Variants in ADAMTS6 observed in about 807,000 individuals in gnomAD.
ADAMTS6 encodes the protein ADAM metallopeptidase with thrombospondin type 1 motif 6, also known as A disintegrin and metalloproteinase with thrombospondin motifs 6.
A neutral mutation model predicts 144.3 loss-of-function variants in ADAMTS6; 23 were observed. The observed-to-expected ratio is 0.16, with a 90% confidence interval of 0.11 to 0.23. ADAMTS6 has a LOEUF of 0.23. ADAMTS6 is among the 10% of genes least tolerant of loss of function. The probability of loss-of-function intolerance (pLI) is 1.00; values close to 1 mark genes in which losing one functional copy is unlikely to be tolerated. For missense variants in ADAMTS6, 999 were observed against 1,379.6 expected, an observed-to-expected ratio of 0.72 and a Z score of 4.37; for synonymous variants, 444 against 457.5, an observed-to-expected ratio of 0.97 and a Z score of 0.38.
intron 7 of ADAMTS6, among the ~76,000 whole-genome samples, chr5:65,371,559 G>A (rs918550681): frequency 1.3e-5 from 2 of 152,076 alleles, no homozygotes; most frequent in African/African-American, 2.4e-5. Context: ...AGCGAGAAGG[G>A]AAGTTTAGAG....
chr5:65,257,447 G>C, intron 14 of ADAMTS6, among the ~76,000 whole-genome samples: 1 of 151,962 alleles, frequency 6.6e-6, no homozygotes, highest in East Asian at 1.9e-4. Flanking sequence ...GGCTTTTTAA[G>C]TTAGGTCCTT....
chr5:65,332,339 A>AGT (rs1554071609), intron 8 of ADAMTS6, among the ~76,000 whole-genome samples: 5 of 145,498 alleles, frequency 3.4e-5, no homozygotes, highest in African/African-American at 1.0e-4. Context: ...AGAGAGAGAG[A>AGT]GTGTATATGT....
At chr5:65,276,097 T>A (rs1467101493) in intron 11 of ADAMTS6, among the ~76,000 whole-genome samples, 1 of 152,194 alleles carries the variant, frequency 6.6e-6, no homozygotes, top group African/African-American at 2.4e-5. Context: ...ACAGAAACTT[T>A]ATTTTCCAAA....
At chr5:65,396,536 C>T (rs1467543495) in intron 7 of ADAMTS6, among the ~76,000 whole-genome samples, 1 of 152,172 alleles carries the variant, frequency 6.6e-6, no homozygotes, top group Non-Finnish European at 1.5e-5. Context: ...CCCACTCCAA[C>T]CCTCTGGCTA....
chr5:65,358,690 G>A (rs1699320826), intron 7 of ADAMTS6, among the ~76,000 whole-genome samples: 1 of 151,904 alleles, frequency 6.6e-6, no homozygotes. Flanking sequence ...CATAGCCCAA[G>A]GGAACAGAAC....
At chr5:65,327,292 T>C (rs1746263339) in intron 9 of ADAMTS6, among the ~76,000 whole-genome samples, 1 of 152,190 alleles carries the variant, frequency 6.6e-6, no homozygotes, top group African/African-American at 2.4e-5. Context: ...AAACCGCTTT[T>C]TAAAATGAGT....
intron 7 of ADAMTS6, among the ~76,000 whole-genome samples, chr5:65,373,305 C>A (rs1026874750): frequency 6.6e-6 from 1 of 151,482 alleles, no homozygotes; most frequent in Non-Finnish European, 1.5e-5. Context: ...TTCAAAAAAT[C>A]AATGAATCCA....
chr5:65,383,697 G>C (rs1036308735), intron 7 of ADAMTS6, among the ~76,000 whole-genome samples: 17 of 152,192 alleles, frequency 1.1e-4, no homozygotes, highest in Admixed American at 2.6e-4. Flanking sequence ...TGGGGTGTTG[G>C]GGGCATTCCC....
At chr5:65,228,866 G>A (rs141135292) in intron 15 of ADAMTS6, among the ~76,000 whole-genome samples, 412 of 152,314 alleles carry the variant, frequency 2.7e-3, no homozygotes, top group African/African-American at 8.3e-3. Context: ...GGAAGAGGCT[G>A]GGAGCAGAGA....
intron 7 of ADAMTS6, among the ~76,000 whole-genome samples, chr5:65,336,308 T>C (rs1224899883): frequency 6.6e-6 from 1 of 152,152 alleles, no homozygotes; most frequent in Non-Finnish European, 1.5e-5. Context: ...CTGTCTCTGA[T>C]GATAAACACA....
chr5:65,279,157 C>G (rs1214096895), intron 11 of ADAMTS6, among the ~76,000 whole-genome samples: 1 of 152,054 alleles, frequency 6.6e-6, no homozygotes, highest in Non-Finnish European at 1.5e-5. Context: ...GTTGCTCAAG[C>G]TGGTCTTGAA....
At chr5:65,256,256 C>T (rs1014869224) in intron 14 of ADAMTS6, 3 of 152,170 alleles carry the variant, frequency 2.0e-5, no homozygotes, top group Admixed American at 6.5e-5. Flanking sequence ...TAGTGGCTAT[C>T]GGGCTGGACA....
intron 7 of ADAMTS6, among the ~76,000 whole-genome samples, chr5:65,346,863 A>C (rs1748370332): frequency 6.6e-6 from 1 of 151,782 alleles, no homozygotes; most frequent in African/African-American, 2.4e-5. Context: ...GGAATACAAA[A>C]TCAATGTAAA....
intron 9 of ADAMTS6, among the ~76,000 whole-genome samples, chr5:65,318,613 G>A (rs541088828): frequency 1.1e-4 from 16 of 152,262 alleles, no homozygotes; most frequent in Admixed American, 1.0e-3. Context: ...TATGCTAAGC[G>A]AAATAAGCCA....
chr5:65,204,746 A>G (rs1413255566), intron 20 of ADAMTS6, among the ~76,000 whole-genome samples: 2 of 152,212 alleles, frequency 1.3e-5, no homozygotes, highest in Non-Finnish European at 2.9e-5. Context: ...GGGGATTTGT[A>G]TTATTTTAAA....
chr5:65,224,853 A>G, intron 17 of ADAMTS6, 71 bp downstream of exon 17: 3 of 1,465,772 alleles, frequency 2.0e-6, no homozygotes, highest in South Asian at 1.5e-5. Flanking sequence ...AAACAGGGGG[A>G]GGCGAAGCGA....
intron 22 of ADAMTS6, among the ~76,000 whole-genome samples, chr5:65,181,615 G>A (rs1754358838): frequency 6.6e-6 from 1 of 152,130 alleles, no homozygotes; most frequent in East Asian, 1.9e-4. Flanking sequence ...CCATACTTTA[G>A]GGCCTACTCA....
intron 7 of ADAMTS6, among the ~76,000 whole-genome samples, chr5:65,336,640 T>G (rs1298123732): frequency 6.6e-6 from 1 of 152,130 alleles, no homozygotes; most frequent in Non-Finnish European, 1.5e-5. Context: ...TCATGCAAAG[T>G]ATTGTCAGAG....
intron 18 of ADAMTS6, 82 bp downstream of exon 18, chr5:65,224,238 A>G: frequency 8.9e-7 from 1 of 1,125,614 alleles, no homozygotes; most frequent in East Asian, 2.4e-5. Flanking sequence ...TCAAAGAAGC[A>G]TGCCTTTTCC....
Sources: allele counts gnomAD v4.1 joint callset (sites outside exome capture counted in the v4.1 genomes callset), GRCh38; gene constraint gnomAD v4.1.1; transcripts MANE v1.5; gene names NCBI Gene and HGNC (gene_info 2026-07-23, HGNC 2026-07-21).